The following CFAP46 variants were observed in gnomAD, a reference collection of about 807,000 sequenced individuals.
CFAP46 encodes the protein cilia and flagella associated protein 46.
In CFAP46, 245 loss-of-function variants were observed where a neutral mutation model predicts 325.7. The observed-to-expected ratio is 0.75, with a 90% confidence interval of 0.68 to 0.84. The LOEUF is 0.84. Among genes scored for constraint, CFAP46 ranks in the 40% least tolerant of loss-of-function variants. The probability of loss-of-function intolerance (pLI) is 0.00; values close to 1 mark genes in which losing one functional copy is unlikely to be tolerated. For missense variants in CFAP46, 3,346 were observed against 3,543.0 expected, an observed-to-expected ratio of 0.94 and a Z score of 1.41; for synonymous variants, 1,523 against 1,495.9, an observed-to-expected ratio of 1.02 and a Z score of -0.42.
chr10:132,822,127 G>GTGTGTGCTGTGTGTGCAGTGA (rs1847861259), intron 50 of CFAP46, among the ~76,000 whole-genome samples: 4 of 131,932 alleles, frequency 3.0e-5, no homozygotes, highest in African/African-American at 1.2e-4. Flanking sequence ...GTGTGCACTT[G>GTGTGTGCTGTGTGTGCAGTGA]TGTGTGCTGT....
chr10:132,858,114 A>G (rs1246488872), intron 38 of CFAP46, among the ~76,000 whole-genome samples: 2 of 152,246 alleles, frequency 1.3e-5, no homozygotes, highest in African/African-American at 2.4e-5. Flanking sequence ...ATCCACAGTA[A>G]CAGACACGGC....
rs550896019 is a variant in CFAP46 at position 132,873,428 on chromosome 10, G to T, written c.4363-604C>A. Among the ~76,000 whole-genome samples the T allele has an allele frequency of 2.0e-3, 307 of 152,176 alleles. 3 individuals carry two copies. Among genetic ancestry groups the T allele is most frequent in the Middle Eastern group, 3.4e-3 (1 of 294 alleles). On this transcript the variant is annotated intron_variant, in intron 31 of 57. Coordinates refer to ENST00000368586, the MANE Select transcript of CFAP46 (RefSeq NM_001200049.3). ...GGCACTGAGGCATCCAGCGACACGA[G>T]CCTGGCTGTCAGGCACTGAGGCATC...
At chr10:132,824,053 G>T (rs1847968941) in intron 50 of CFAP46, among the ~76,000 whole-genome samples, 1 of 131,220 alleles carries the variant, frequency 7.6e-6, no homozygotes, top group Non-Finnish European at 1.6e-5. Flanking sequence ...GATGTGTGCT[G>T]TGTGTGCTGA....
rs1032731712 is a variant in CFAP46 at position 132,827,995 on chromosome 10, G to A, written c.7117+5363C>T. Among the ~76,000 whole-genome samples, 2 of 150,952 alleles carry A rather than the reference G, an allele frequency of 1.3e-5. No individual in the cohort carries two copies. Among genetic ancestry groups the A allele is most frequent in the Non-Finnish European group, 2.9e-5 (2 of 67,974 alleles). On this transcript the variant is annotated intron_variant, in intron 50 of 57. Transcript: ENST00000368586. The surrounding 1 kb of genome is among the most constrained non-coding windows in gnomAD (Gnocchi z 5.7). ...CCTCAGCGTAATCCTTCTGAGCCCC[G>A]TCTACGCTGTCCCACGCACCAACAG...
intron 22 of CFAP46, among the ~76,000 whole-genome samples, chr10:132,904,636 G>A (rs946433533): frequency 6.6e-6 from 1 of 152,246 alleles, no homozygotes; most frequent in Non-Finnish European, 1.5e-5. Context: ...CCTGTTGTGT[G>A]CCGCTCTGCC....
At position 132,876,955 on chromosome 10, in the gene CFAP46, T is replaced by G. The variant is rs1848965369; in HGVS notation, c.4219A>C (p.Ser1407Arg). Residue 1407 changes from serine to arginine, a missense_variant, in exon 31 of 58, where the codon AGC becomes CGC. Coordinates refer to ENST00000368586, the MANE Select transcript of CFAP46 (RefSeq NM_001200049.3). The surrounding 1 kb of genome is among the most constrained non-coding windows in gnomAD (Gnocchi z 4.1). ...EKVKEPKQSQ[S>R]PAPIKQLEDL... ...TCCAGTTGTTTGATAGGAGCTGGGCTTTGAGACTAGAAAGGCAAGAATACA... is the reference window on the plus strand; with the variant it reads ...TCCAGTTGTTTGATAGGAGCTGGGCGTTGAGACTAGAAAGGCAAGAATACA... 1 of 1,548,560 alleles carries G rather than the reference T, an allele frequency of 6.5e-7. No homozygotes were observed. The highest frequency in any genetic ancestry group is 1.2e-5 in the South Asian group (1 of 83,652).
At chr10:132,858,294 G>A (rs1591057999) in intron 38 of CFAP46, among the ~76,000 whole-genome samples, 1 of 143,140 alleles carries the variant, frequency 7.0e-6, no homozygotes, top group Non-Finnish European at 1.6e-5. Context: ...CCCCAGGTTG[G>A]GGGCAGGGAG....
intron 43 of CFAP46, among the ~76,000 whole-genome samples, chr10:132,846,471 G>A (rs1045294019): frequency 6.6e-6 from 1 of 152,156 alleles, no homozygotes; most frequent in Admixed American, 6.5e-5. Flanking sequence ...TGACTGCCGG[G>A]TCTCTGTGTC....
chr10:132,919,539 T>G lies in CFAP46; in HGVS notation c.1731-97A>C. On this transcript the variant is annotated intron_variant, in intron 14 of 57. Coordinates refer to ENST00000368586, the MANE Select transcript of CFAP46 (RefSeq NM_001200049.3). This position sits in a 1 kb window ranked among gnomAD's most constrained non-coding sequence, Gnocchi z 9.7. The stretch of plus-strand genomic sequence containing the variant: ...GGCTGGCTGCCTGAGAAAAGGCCAC[T>G]GTGGCTCTGCAGTTTCAAGGTGGCA... 7.0e-7 allele frequency: 1 copy of G among 1,438,786 alleles called. No homozygotes were observed. Among genetic ancestry groups the G allele is most frequent in the South Asian group, 1.4e-5 (1 of 72,814 alleles). 89.1% of individuals were successfully genotyped at this position (1,438,786 alleles called of 1,614,324 possible).
At chr10:132,938,534 G>A in intron 5 of CFAP46, 55 bp downstream of exon 5, 1 of 1,576,736 alleles carries the variant, frequency 6.3e-7, no homozygotes, top group Non-Finnish European at 8.7e-7. Flanking sequence ...GGTGGCCTCA[G>A]AGCCAGAGGG....
chr10:132,857,555 A>G, intron 39 of CFAP46, 35 bp downstream of exon 39: 1 of 1,595,110 alleles, frequency 6.3e-7, no homozygotes, highest in African/African-American at 1.4e-5. Flanking sequence ...GGTGGGAGTG[A>G]CCCAGTGTGC....
intron 11 of CFAP46, among the ~76,000 whole-genome samples, chr10:132,923,863 T>C (rs769424237): frequency 4.6e-5 from 7 of 152,106 alleles, no homozygotes; most frequent in Non-Finnish European, 1.0e-4. Flanking sequence ...AGAGAAATCT[T>C]CCATTCCTCC....
At chr10:132,838,201 G>A (rs570629110) in intron 44 of CFAP46, among the ~76,000 whole-genome samples, 4 of 152,358 alleles carry the variant, frequency 2.6e-5, no homozygotes, top group South Asian at 2.1e-4. Context: ...AGCGGCAGGC[G>A]GCCACCACAG....
intron 45 of CFAP46, 52 bp downstream of exon 45, chr10:132,836,765 T>G: frequency 6.7e-7 from 1 of 1,494,564 alleles, no homozygotes; most frequent in Admixed American, 1.7e-5. Flanking sequence ...TCTGCCTCCC[T>G]GAGGCCTCTC....
At position 132,920,060 on chromosome 10, in the gene CFAP46, T is replaced by C. The variant is rs1471534312; in HGVS notation, c.1729A>G (p.Arg577Gly). The change falls in exon 14 of 58, where the codon AGG (arginine) becomes GGG (glycine). Residue 577 changes from arginine to glycine, a missense_variant and splice_region_variant. Transcript: ENST00000368586. ...RRLGNENDKE[R>G]IQIWAELAKV... The stretch of plus-strand genomic sequence containing the variant: ...CGCTCTGGCCTTTTCCTCACTCACC[T>C]CTCCTTGTCGTTTTCGTTGCCCAGG... 3 of 1,541,476 alleles carry C rather than the reference T, an allele frequency of 1.9e-6. No homozygotes were observed. The highest frequency in any genetic ancestry group is 2.6e-6 in the Non-Finnish European group (3 of 1,143,120).
Position 132,920,141 on chromosome 10 carries a change from C to A in CFAP46, c.1648G>T (p.Ala550Ser), listed in dbSNP as rs768982585. The A allele has an allele frequency of 3.9e-6, 6 of 1,548,898 alleles. No individual in the cohort carries two copies. The South Asian group carries it at 7.2e-5, about 18-fold the overall frequency. Residue 550 changes from alanine to serine, a missense_variant, in exon 14 of 58, where the codon GCG becomes TCG. Physicochemically the swap from Ala to Ser is moderately conservative, Grantham distance 99. Coordinates refer to ENST00000368586, the MANE Select transcript of CFAP46 (RefSeq NM_001200049.3). ...CTGACGGTGTGGTGCCACGCCTTCGCACAGAGGTAGGTGAACCGGCCCCTG... is the reference window on the plus strand; with the variant it reads ...CTGACGGTGTGGTGCCACGCCTTCGAACAGAGGTAGGTGAACCGGCCCCTG... The part of the protein sequence containing the change: ...KNRGRFTYLC[A>S]KAWHHTVSVD...
chr10:132,821,892 G>A (rs1847845939), intron 50 of CFAP46, among the ~76,000 whole-genome samples: 1 of 147,924 alleles, frequency 6.8e-6, no homozygotes, highest in Non-Finnish European at 1.5e-5. Flanking sequence ...GTGCAGTGAT[G>A]TGTGTTGTGT....
At chr10:132,908,343 C>A in intron 22 of CFAP46, 125 bp downstream of exon 22, 1 of 1,191,022 alleles carries the variant, frequency 8.4e-7, no homozygotes, top group Non-Finnish European at 1.2e-6. Context: ...GGCCCAGGCC[C>A]GCGCTCCCTG....
rs1477603140 is a variant in CFAP46, at chr10:132,892,319, G to C, written c.3304+14C>G. 1 of 1,550,370 alleles carries C rather than the reference G, an allele frequency of 6.5e-7. No homozygotes were observed. Among genetic ancestry groups the C allele is most frequent in the East Asian group, 2.4e-5 (1 of 40,914 alleles). ...GTACCTGGAGCCTGTGGGTCTGTCTGTCCTGCTACAAACCTGGAAGAAAAT... is the reference window on the plus strand; with the variant it reads ...GTACCTGGAGCCTGTGGGTCTGTCTCTCCTGCTACAAACCTGGAAGAAAAT... On this transcript the variant is annotated intron_variant, in intron 25 of 57. Coordinates refer to ENST00000368586, the MANE Select transcript of CFAP46 (RefSeq NM_001200049.3).
Sources: allele counts gnomAD v4.1 joint callset (sites outside exome capture counted in the v4.1 genomes callset), GRCh38; gene constraint gnomAD v4.1.1; non-coding constraint Gnocchi (gnomAD v3.1); transcripts MANE v1.5; gene names NCBI Gene and HGNC (gene_info 2026-07-23, HGNC 2026-07-21).